PPARGC1A: variants seen among roughly 807,000 people sequenced by gnomAD.
PPARGC1A encodes PPARG coactivator 1 alpha, also known as peroxisome proliferator-activated receptor gamma coactivator 1-alpha.
Under a neutral mutation model 88.7 loss-of-function variants are expected in PPARGC1A, and 25 were observed. That is an observed-to-expected ratio of 0.28 (90% CI 0.21 to 0.39). PPARGC1A has a LOEUF of 0.39. Ranked by LOEUF, PPARGC1A falls within the 10% of genes least tolerant of loss-of-function variation. The pLI, the probability that PPARGC1A is intolerant of heterozygous loss-of-function variation, is 1.00. For missense variants in PPARGC1A, 880 were observed against 968.7 expected, an observed-to-expected ratio of 0.91 and a Z score of 1.22; for synonymous variants, 363 against 355.6, an observed-to-expected ratio of 1.02 and a Z score of -0.24.
At chr4:24,135,047 C>T in the PPARGC1A span, among the ~76,000 whole-genome samples, 18 of 152,312 alleles carry the variant, frequency 1.2e-4, no homozygotes, top group South Asian at 3.7e-3. Context: ...CCTTCGCTAC[C>T]ATGTGTCACT....
chr4:24,301,883 G>A, the PPARGC1A span, among the ~76,000 whole-genome samples: 1 of 152,040 alleles, frequency 6.6e-6, no homozygotes, highest in Non-Finnish European at 1.5e-5. Context: ...TGAGCACTGT[G>A]TTATAGGTGC....
chr4:23,891,180 T>C (rs1022817707), upstream of PPARGC1A, among the ~76,000 whole-genome samples: 1 of 152,200 alleles, frequency 6.6e-6, no homozygotes, highest in Non-Finnish European at 1.5e-5. Context: ...CATAACAAAC[T>C]CAAGGTACTG....
At chr4:24,453,025 T>C in the PPARGC1A span, among the ~76,000 whole-genome samples, 1 of 152,206 alleles carries the variant, frequency 6.6e-6, no homozygotes, top group Admixed American at 6.5e-5. Context: ...ATTTAAACTC[T>C]GGTCTTTAGG....
chr4:24,098,100 G>T, the PPARGC1A span, among the ~76,000 whole-genome samples: 1 of 152,154 alleles, frequency 6.6e-6, no homozygotes, highest in Admixed American at 6.5e-5. Context: ...GGAAAGAAAA[G>T]TTACTCTTCA....
chr4:23,818,982 A>G (rs1016615976), intron 7 of PPARGC1A, among the ~76,000 whole-genome samples: 16 of 151,906 alleles, frequency 1.1e-4, no homozygotes, highest in African/African-American at 3.6e-4. Context: ...TAAGAAAAAA[A>G]AAATTAGGAG....
At chr4:24,000,783 T>C in the PPARGC1A span, among the ~76,000 whole-genome samples, 9 of 152,316 alleles carry the variant, frequency 5.9e-5, no homozygotes, top group East Asian at 1.5e-3. Context: ...TTCTGTGATA[T>C]AGAGATAAGG....
chr4:24,442,096 C>T, the PPARGC1A span, among the ~76,000 whole-genome samples: 6 of 151,802 alleles, frequency 4.0e-5, no homozygotes, highest in South Asian at 1.0e-3. Flanking sequence ...AAATCAGAAT[C>T]GTGGAAATCA....
At chr4:24,226,625 C>T in the PPARGC1A span, among the ~76,000 whole-genome samples, 7 of 152,236 alleles carry the variant, frequency 4.6e-5, no homozygotes, top group Admixed American at 3.9e-4. Context: ...CACATTTCTA[C>T]AGCAAAGCTG....
chr4:24,302,050 A>G, the PPARGC1A span, among the ~76,000 whole-genome samples: 6 of 151,982 alleles, frequency 3.9e-5, no homozygotes, highest in African/African-American at 1.2e-4. Context: ...TTTCCCCCCA[A>G]GTTGTTCTTC....
the PPARGC1A span, among the ~76,000 whole-genome samples, chr4:24,166,373 T>C: frequency 6.6e-6 from 1 of 152,238 alleles, no homozygotes. Flanking sequence ...CCAGAGGATC[T>C]AGCCAAGATC....
intron 7 of PPARGC1A, among the ~76,000 whole-genome samples, chr4:23,816,184 T>C (rs2970849): frequency 0.39 from 59,857 of 151,952 alleles, 12,330 homozygotes; most frequent in African/African-American, 0.47. Context: ...GACAGAGAAA[T>C]GCAAACACAA....
the PPARGC1A span, among the ~76,000 whole-genome samples, chr4:24,345,758 C>T: frequency 1.3e-5 from 2 of 151,992 alleles, no homozygotes; most frequent in Admixed American, 1.3e-4. Context: ...TTTACCGATT[C>T]GGATGTCCTT....
In PPARGC1A at chr4:23,824,441, G is replaced by A. The variant is rs756802422; in HGVS notation, c.803+22C>T. The A allele has an allele frequency of 5.0e-6, 8 of 1,607,620 alleles. No individual in the cohort carries two copies. In the South Asian group the frequency reaches 6.6e-5, roughly 13 times the overall value. On this transcript the variant is annotated intron_variant, in intron 6 of 12. Coordinates refer to ENST00000264867, the MANE Select transcript of PPARGC1A (RefSeq NM_013261.5). ...AGAACCCCCTTCCCTTTCAGAAAAT[G>A]GTTACATTTCTTAATACTTACTTTG...
upstream of PPARGC1A, among the ~76,000 whole-genome samples, chr4:23,900,258 T>G (rs1719172335): frequency 6.6e-6 from 1 of 152,186 alleles, no homozygotes; most frequent in Admixed American, 6.5e-5. Flanking sequence ...ACTCTAAAAT[T>G]TTAGTCTTTC....
chr4:23,864,442 A>C (rs1731786810), intron 2 of PPARGC1A, among the ~76,000 whole-genome samples: 1 of 152,232 alleles, frequency 6.6e-6, no homozygotes, highest in Admixed American at 6.5e-5. Flanking sequence ...TGTTTGGTTT[A>C]ACAATCAAGT....
chr4:24,387,756 GAGAGAGAGAGAGAA>G, the PPARGC1A span, among the ~76,000 whole-genome samples: 15 of 77,928 alleles, frequency 1.9e-4, no homozygotes, highest in African/African-American at 8.1e-4. Context: ...AAGAGAGAGA[GAGAGAGAGAGAGAA>G]AGAAAGAAAG....
At chr4:24,073,546 C>A in the PPARGC1A span, among the ~76,000 whole-genome samples, 9 of 152,122 alleles carry the variant, frequency 5.9e-5, no homozygotes, top group Non-Finnish European at 1.2e-4. Context: ...GTGAAACAAG[C>A]CAACAACATG....
the PPARGC1A span, among the ~76,000 whole-genome samples, chr4:24,420,172 T>C: frequency 2.0e-5 from 3 of 152,240 alleles, no homozygotes; most frequent in Non-Finnish European, 4.4e-5. Context: ...GTAATTTGTT[T>C]GAGACTTAAC....
At chr4:24,222,346 A>C in the PPARGC1A span, among the ~76,000 whole-genome samples, 1 of 152,216 alleles carries the variant, frequency 6.6e-6, no homozygotes, top group African/African-American at 2.4e-5. Context: ...TTGATATCCC[A>C]ACTTTTTAAC....
Sources: gnomAD v4.1 joint callset for allele counts (sites outside exome capture counted in the v4.1 genomes callset) on GRCh38, gnomAD v4.1.1 for gene constraint, MANE v1.5 for transcripts, NCBI Gene and HGNC (gene_info 2026-07-23, HGNC 2026-07-21) for gene names.